The following MDGA2 variants were observed in gnomAD, a reference collection of about 807,000 sequenced individuals.
MDGA2 encodes the protein MAM domain containing glycosylphosphatidylinositol anchor 2.
Under a neutral mutation model 117.8 loss-of-function variants are expected in MDGA2, and 40 were observed. That is an observed-to-expected ratio of 0.34 (90% CI 0.26 to 0.44). The LOEUF is 0.44. Among genes scored for constraint, MDGA2 ranks in the 20% least tolerant of loss-of-function variants. The probability of loss-of-function intolerance (pLI) is 1.00; values close to 1 mark genes in which losing one functional copy is unlikely to be tolerated. For missense variants in MDGA2, 1,123 were observed against 1,250.6 expected (o/e 0.90, Z 1.54); for synonymous variants, 452 against 439.0 (o/e 1.03, Z -0.37).
intron 1 of MDGA2, among the ~76,000 whole-genome samples, chr14:47,616,052 G>GT (rs1334873828): frequency 8.5e-5 from 13 of 152,214 alleles, no homozygotes; most frequent in Non-Finnish European, 1.9e-4. Context: ...GCGAGAGAAA[G>GT]TGAGGAAGAG....
Position 47,035,020 on chromosome 14 carries a change from T to A in MDGA2, c.1810A>T (p.Ile604Phe). The stretch of plus-strand genomic sequence containing the variant: ...AAGGGAATTTACTTACACTGAACGA[T>A]GAGCTGCACCAAGGCTTCCCTTGGT... ...VKPREALVQLIVQYPPAVEPA... is the reference protein window; with the variant it reads ...VKPREALVQLFVQYPPAVEPA... The change falls in exon 8 of 17, where the codon ATC (isoleucine) becomes TTC (phenylalanine). Residue 604 changes from isoleucine to phenylalanine, a missense_variant. Physicochemically the swap from Ile to Phe is conservative, Grantham distance 21 (BLOSUM62 0). Coordinates refer to ENST00000399232, the MANE Select transcript of MDGA2 (RefSeq NM_001113498.3). The A allele has an allele frequency of 6.2e-7, 1 of 1,612,576 alleles. No individual in the cohort carries two copies. The highest frequency in any genetic ancestry group is 8.5e-7 in the Non-Finnish European group (1 of 1,179,070).
chr14:47,216,517 C>G (rs543401341), intron 3 of MDGA2, among the ~76,000 whole-genome samples: 2 of 152,076 alleles, frequency 1.3e-5, no homozygotes, highest in East Asian at 3.9e-4. Flanking sequence ...CATTTCAGGT[C>G]AAATTTTGAC....
At chr14:47,181,811 T>A (rs1240320485) in intron 3 of MDGA2, among the ~76,000 whole-genome samples, 2 of 152,092 alleles carry the variant, frequency 1.3e-5, no homozygotes, top group African/African-American at 4.8e-5. Context: ...ATATACATCA[T>A]GAGCTAGTGT....
intron 1 of MDGA2, among the ~76,000 whole-genome samples, chr14:47,318,793 G>C (rs1275039187): frequency 9.6e-6 from 1 of 104,268 alleles, no homozygotes; most frequent in Admixed American, 1.2e-4. Context: ...AGGAGGGGAG[G>C]GGGGAAAGGG....
intron 8 of MDGA2, among the ~76,000 whole-genome samples, chr14:47,007,103 G>C (rs1230666298): frequency 6.6e-6 from 1 of 151,694 alleles, no homozygotes; most frequent in Non-Finnish European, 1.5e-5. Context: ...GATACATTGA[G>C]GACTTCATAT....
At chr14:47,182,375 G>A (rs1884743510) in intron 3 of MDGA2, among the ~76,000 whole-genome samples, 2 of 152,054 alleles carry the variant, frequency 1.3e-5, no homozygotes. Context: ...GGTCTTTAAG[G>A]ATGTAATTAA....
intron 1 of MDGA2, among the ~76,000 whole-genome samples, chr14:47,312,694 TTTTG>T (rs1889677956): frequency 2.5e-5 from 1 of 40,636 alleles, no homozygotes; most frequent in Admixed American, 1.7e-4. Flanking sequence ...TTTTGTTTTG[TTTTG>T]TTTTTTTTTT....
intron 1 of MDGA2, among the ~76,000 whole-genome samples, chr14:47,611,857 TATAAC>T (rs1019928845): frequency 6.6e-6 from 1 of 152,112 alleles, no homozygotes; most frequent in Admixed American, 6.6e-5. Flanking sequence ...TGGCCAACAG[TATAAC>T]ATAACACATC....
At chr14:46,935,735 T>C (rs1884754500) in intron 9 of MDGA2, among the ~76,000 whole-genome samples, 1 of 152,116 alleles carries the variant, frequency 6.6e-6, no homozygotes, top group African/African-American at 2.4e-5. Context: ...TGTCTTCACC[T>C]TCACCATCAC....
At chr14:47,145,537 A>G (rs1418001501) in intron 3 of MDGA2, among the ~76,000 whole-genome samples, 7 of 152,142 alleles carry the variant, frequency 4.6e-5, no homozygotes, top group Non-Finnish European at 8.8e-5. Context: ...TGCTAGTATA[A>G]ACTTAGTATA....
intron 2 of MDGA2, among the ~76,000 whole-genome samples, chr14:47,279,171 C>T (rs1192309398): frequency 6.6e-6 from 1 of 152,054 alleles, no homozygotes; most frequent in East Asian, 1.9e-4. Flanking sequence ...TAGTCTTAAT[C>T]GATATTTCCA....
intron 6 of MDGA2, among the ~76,000 whole-genome samples, chr14:47,072,611 G>A (rs1388133488): frequency 6.6e-6 from 1 of 152,160 alleles, no homozygotes; most frequent in South Asian, 2.1e-4. Context: ...AGCATCACCT[G>A]AGAATTTGTT....
intron 1 of MDGA2, among the ~76,000 whole-genome samples, chr14:47,347,106 CGTAA>C (rs1446645820): frequency 1.3e-5 from 2 of 152,072 alleles, no homozygotes; most frequent in Admixed American, 6.6e-5. Context: ...AATGATCAGA[CGTAA>C]GTAGGGGACC....
At chr14:47,491,020 C>T (rs1894158136) in intron 1 of MDGA2, among the ~76,000 whole-genome samples, 5 of 152,024 alleles carry the variant, frequency 3.3e-5, no homozygotes, top group African/African-American at 1.2e-4. Flanking sequence ...GCCTTTGATA[C>T]TCGGACAGTG....
At chr14:47,528,639 C>G (rs1430136891) in intron 1 of MDGA2, among the ~76,000 whole-genome samples, 1 of 152,080 alleles carries the variant, frequency 6.6e-6, no homozygotes, top group Non-Finnish European at 1.5e-5. Flanking sequence ...GTTTTAAAAG[C>G]TACATTTAAC....
chr14:47,002,100 A>T (rs1275125727), intron 8 of MDGA2, among the ~76,000 whole-genome samples: 2 of 152,142 alleles, frequency 1.3e-5, no homozygotes, highest in Admixed American at 6.6e-5. Flanking sequence ...TGGGCACTAA[A>T]TTAATGTAAT....
intron 3 of MDGA2, among the ~76,000 whole-genome samples, chr14:47,179,206 T>G (rs1594700332): frequency 6.6e-6 from 1 of 152,078 alleles, no homozygotes; most frequent in Non-Finnish European, 1.5e-5. Flanking sequence ...AATAATTACA[T>G]GTGTACAATA....
chr14:47,385,063 CCAAA>C (rs1416332355), intron 1 of MDGA2, among the ~76,000 whole-genome samples: 3 of 152,090 alleles, frequency 2.0e-5, no homozygotes, highest in African/African-American at 4.8e-5. Flanking sequence ...GGTGAAGCAG[CCAAA>C]CAGTCTATGA....
intron 7 of MDGA2, among the ~76,000 whole-genome samples, chr14:47,054,985 CA>C (rs1889618199): frequency 7.8e-6 from 1 of 128,244 alleles, no homozygotes; most frequent in Non-Finnish European, 1.6e-5. Flanking sequence ...CCCCGTTGTC[CA>C]ATTTTTTTTT....
Sources: allele counts gnomAD v4.1 joint callset (sites outside exome capture counted in the v4.1 genomes callset), GRCh38; gene constraint gnomAD v4.1.1; transcripts MANE v1.5; gene names NCBI Gene and HGNC (gene_info 2026-07-23, HGNC 2026-07-21).